TTLL10: variants seen among roughly 807,000 people sequenced by gnomAD.
The protein encoded by TTLL10 is tubulin tyrosine ligase like 10, also known as inactive polyglycylase TTLL10.
In TTLL10, 61 loss-of-function variants were observed where a neutral mutation model predicts 69.0. That is an observed-to-expected ratio of 0.88 (90% CI 0.72 to 1.09). TTLL10 has a LOEUF of 1.09. Ranked by LOEUF, TTLL10 falls within the 50% of genes least tolerant of loss-of-function variation. The pLI is 0.00. For missense variants in TTLL10, 962 were observed against 945.9 expected (o/e 1.02, Z -0.22); for synonymous variants, 408 against 393.3 (o/e 1.04, Z -0.44).
chr1:1,185,438 C>G lies in TTLL10; in HGVS notation c.1401+329C>G, dbSNP rs572114858. 1.2e-5 allele frequency: 13 copies of G among 1,129,130 alleles called. No individual in the cohort carries two copies. The Admixed American group carries it at 5.3e-4, about 46-fold the overall frequency. The allele number at this position is 1,129,130 out of a possible 1,614,324, so 69.9% of individuals were successfully genotyped here. A position where few individuals can be genotyped will look rare whatever the true frequency, so the allele number is the denominator to read the frequency against. On this transcript the variant is annotated intron_variant, in intron 13 of 15. Transcript: ENST00000379289. The surrounding 1 kb of genome is among the most constrained non-coding windows in gnomAD (Gnocchi z 6.1). The stretch of plus-strand genomic sequence containing the variant: ...AGAGTCTTTGTTCCTTTCAGATCCT[C>G]CACTTGGCAGGCAGGGCCAACAGCA...
rs1277154525 is a variant in TTLL10 at position 1,181,691 on chromosome 1, G to A, written c.756-50G>A. The stretch of plus-strand genomic sequence containing the variant: ...ATCCCCCAGTCCCCACCCGCTCCAA[G>A]CACCATGAGCTGGCCCCTCAGTCCA... On this transcript the variant is annotated intron_variant, in intron 8 of 15. Coordinates refer to ENST00000379289, the MANE Select transcript of TTLL10 (RefSeq NM_001130045.2). The surrounding 1 kb of genome is among the most constrained non-coding windows in gnomAD (Gnocchi z 4.6). The A allele has an allele frequency of 2.6e-6, 4 of 1,529,820 alleles. No homozygotes were observed. Among genetic ancestry groups the A allele is most frequent in the Non-Finnish European group, 3.5e-6 (4 of 1,128,832 alleles). The allele number at this position is 1,529,820 out of a possible 1,614,324, so 94.8% of individuals were successfully genotyped here.
In TTLL10 at chr1:1,197,869, G is replaced by C; in HGVS notation, c.*22G>C. ...CTAGGGGCAGCCACCCGCGCCCAGC[G>C]CCCCGCGCCCCGCGCCCCAGCCGTG... On this transcript the variant is annotated 3_prime_UTR_variant, in exon 16 of 16. Coordinates refer to ENST00000379289, the MANE Select transcript of TTLL10 (RefSeq NM_001130045.2). The C allele has an allele frequency of 7.1e-7, 1 of 1,399,934 alleles. No individual in the cohort carries two copies. Among genetic ancestry groups the C allele is most frequent in the South Asian group, 1.6e-5 (1 of 63,094 alleles). The allele number at this position is 1,399,934 out of a possible 1,614,324, so 86.7% of individuals were successfully genotyped here. A position where few individuals can be genotyped will look rare whatever the true frequency, so the allele number is the denominator to read the frequency against.
At chr1:1,183,632 C>A in intron 11 of TTLL10, among the ~76,000 whole-genome samples, 1 of 152,238 alleles carries the variant, frequency 6.6e-6, no homozygotes, top group East Asian at 1.9e-4. Flanking sequence ...GCCCGCCTGG[C>A]GCGCTCCTTC....
intron 13 of TTLL10, among the ~76,000 whole-genome samples, chr1:1,186,687 T>C (rs540718137): frequency 2.0e-5 from 3 of 152,230 alleles, no homozygotes; most frequent in African/African-American, 7.2e-5. Context: ...ATCTGGTCGG[T>C]GTGCAGGGAT....
Position 1,197,398 on chromosome 1 carries a change from C to A in TTLL10, c.1613-40C>A, listed in dbSNP as rs767409463. The A allele has an allele frequency of 6.4e-6, 9 of 1,410,266 alleles. No homozygotes were observed. The South Asian group carries it at 7.0e-5, about 11-fold the overall frequency. The allele number at this position is 1,410,266 out of a possible 1,614,324, so 87.4% of individuals were successfully genotyped here. On this transcript the variant is annotated intron_variant, in intron 15 of 15. Coordinates refer to ENST00000379289, the MANE Select transcript of TTLL10 (RefSeq NM_001130045.2). ...CCTCCCCACCCCCTCCAGCCCCAGC[C>A]TCTGCCCCCCACTCACCCTCTCTCC... is the stretch of plus-strand genomic sequence containing the variant.
intron 13 of TTLL10, among the ~76,000 whole-genome samples, chr1:1,188,405 A>ATTTTT (rs57122719): frequency 7.1e-6 from 1 of 140,360 alleles, no homozygotes; most frequent in East Asian, 2.1e-4. Context: ...GTCCAATGAA[A>ATTTTT]TTTTTTTTTT....
intron 13 of TTLL10, among the ~76,000 whole-genome samples, chr1:1,192,089 G>A (rs531850841): frequency 8.5e-5 from 13 of 152,364 alleles, no homozygotes; most frequent in African/African-American, 3.1e-4. Flanking sequence ...CAGATTTTGG[G>A]GGGGGGCCTG....
chr1:1,174,279 T>C lies in TTLL10; in HGVS notation c.-130-6T>C, dbSNP rs987983422. 6.6e-6 allele frequency: 1 copy of C among 152,642 alleles called. No homozygotes were observed. The highest frequency in any genetic ancestry group is 1.5e-5 in the Non-Finnish European group (1 of 68,068). 9.5% of individuals were successfully genotyped at this position (152,642 alleles called of 1,614,324 possible). On this transcript the variant is annotated splice_polypyrimidine_tract_variant and splice_region_variant and intron_variant, in intron 1 of 15. Transcript: ENST00000379289. The stretch of plus-strand genomic sequence containing the variant: ...TTGAGCCCACAGGTCGTGCGTCCTT[T>C]GACAGCGGCCTCCGGCCGGGAGGCA...
At chr1:1,191,234 C>T (rs1346166127) in intron 13 of TTLL10, among the ~76,000 whole-genome samples, 1 of 152,098 alleles carries the variant, frequency 6.6e-6, no homozygotes, top group Admixed American at 6.6e-5. Context: ...CTGTTATTGA[C>T]TTCTAATTTC....
Position 1,181,797 on chromosome 1 carries a change from G to A in TTLL10, c.812G>A (p.Gly271Glu). Reference protein sequence around the residue: ...ALEDLPWTSPGYLRPQRVLRM... With the variant: ...ALEDLPWTSPEYLRPQRVLRM... ...GAGGACCTCCCGTGGACAAGCCCAG[G>A]ATACCTCAGGCCACAGAGGTAGACT... The change falls in exon 9 of 16, where the codon GGA becomes GAA. Residue 271 changes from glycine (G) to glutamate (E), a missense_variant. Transcript: ENST00000379289. The surrounding 1 kb of genome is among the most constrained non-coding windows in gnomAD (Gnocchi z 4.6). 6.2e-7 allele frequency: 1 copy of A among 1,608,930 alleles called. No individual in the cohort carries two copies. Among genetic ancestry groups the A allele is most frequent in the South Asian group, 1.1e-5 (1 of 89,658 alleles).
intron 12 of TTLL10, among the ~76,000 whole-genome samples, chr1:1,184,544 AG>A: frequency 6.6e-6 from 1 of 152,092 alleles, no homozygotes; most frequent in Non-Finnish European, 1.5e-5. Flanking sequence ...TCACGGCTGA[AG>A]GGGGGTCTCA....
At position 1,185,541 on chromosome 1, in the gene TTLL10, G is replaced by A. The variant is rs577837207; in HGVS notation, c.1401+432G>A. On this transcript the variant is annotated intron_variant, in intron 13 of 15. Transcript: ENST00000379289. This position sits in a 1 kb window ranked among gnomAD's most constrained non-coding sequence, Gnocchi z 6.1. The stretch of plus-strand genomic sequence containing the variant: ...CTCTCCCTAGCTAAGGGCCATGTGC[G>A]GTGGAGTGTCCTAATTTTGCAGGGT... 52 of 1,006,766 alleles carry A rather than the reference G, an allele frequency of 5.2e-5. No individual in the cohort carries two copies. The highest frequency in any genetic ancestry group is 2.1e-4 in the East Asian group (2 of 9,632). 62.4% of individuals were successfully genotyped at this position (1,006,766 alleles called of 1,614,324 possible). A position where few individuals can be genotyped will look rare whatever the true frequency, so the allele number is the denominator to read the frequency against.
chr1:1,191,617 G>A lies in TTLL10; in HGVS notation c.1402-4983G>A, dbSNP rs577288563. Among the ~76,000 whole-genome samples, 286 of 152,328 alleles carry A rather than the reference G, an allele frequency of 1.9e-3. 2 individuals are homozygous for A. The highest frequency in any genetic ancestry group is 3.2e-3 in the Non-Finnish European group (217 of 68,022). On this transcript the variant is annotated intron_variant, in intron 13 of 15. Coordinates refer to ENST00000379289, the MANE Select transcript of TTLL10 (RefSeq NM_001130045.2). ...CTGTGCCGAGACCAGCTCGGTCGGG[G>A]AGACCCTAACCCGGCGGCGCTAGAG...
chr1:1,179,260 C>T lies in TTLL10; in HGVS notation c.45C>T (p.Pro15=), dbSNP rs1271700341. ...CTRFIHRRGP[P]TRTRAGFKRG... ...GGTTCATCCACCGCCGGGGACCACC[C>T]ACTCGGACCCGAGCCGGCTTCAAGA... is the stretch of plus-strand genomic sequence containing the variant. The change falls in exon 4 of 16, where the codon CCC becomes CCT. Residue 15 remains proline (P), a synonymous_variant. Coordinates refer to ENST00000379289, the MANE Select transcript of TTLL10 (RefSeq NM_001130045.2). 1.8e-5 allele frequency: 28 copies of T among 1,550,530 alleles called. No individual in the cohort carries two copies. The South Asian group carries it at 2.1e-4, about 12-fold the overall frequency.
intron 12 of TTLL10, 23 bp downstream of exon 12, chr1:1,184,114 C>T (rs748268084): frequency 3.7e-6 from 6 of 1,613,900 alleles, no homozygotes; most frequent in African/African-American, 1.3e-5. Context: ...TGGGTGAGGG[C>T]CCTCCCTGCA....
At chr1:1,195,147 C>T (rs754326247) in intron 13 of TTLL10, among the ~76,000 whole-genome samples, 6 of 152,164 alleles carry the variant, frequency 3.9e-5, no homozygotes, top group Non-Finnish European at 7.3e-5. Context: ...CGCACCATCA[C>T]ATCTGGCTAA....
intron 13 of TTLL10, among the ~76,000 whole-genome samples, chr1:1,189,972 C>T (rs1331205594): frequency 2.6e-5 from 4 of 151,896 alleles, no homozygotes; most frequent in Admixed American, 6.6e-5. Context: ...ATTAGCTGGG[C>T]GTGGTGGCGG....
At chr1:1,192,085 T>C (rs1647836196) in intron 13 of TTLL10, among the ~76,000 whole-genome samples, 1 of 152,172 alleles carries the variant, frequency 6.6e-6, no homozygotes, top group African/African-American at 2.4e-5. Context: ...TGGCCAGATT[T>C]TGGGGGGGGG....
chr1:1,194,297 C>T (rs1279709288), intron 13 of TTLL10, among the ~76,000 whole-genome samples: 3 of 152,216 alleles, frequency 2.0e-5, no homozygotes, highest in Non-Finnish European at 4.4e-5. Flanking sequence ...ATGCTGTTGT[C>T]ACAAATTACA....
Sources: gnomAD v4.1 joint callset for allele counts (sites outside exome capture counted in the v4.1 genomes callset) on GRCh38, gnomAD v4.1.1 for gene constraint, Gnocchi (gnomAD v3.1) non-coding constraint, MANE v1.5 for transcripts, NCBI Gene and HGNC (gene_info 2026-07-23, HGNC 2026-07-21) for gene names.